PABPC4L: variants seen among roughly 807,000 people sequenced by gnomAD.
The protein encoded by PABPC4L is poly(A) binding protein cytoplasmic 4 like.
For synonymous variants in PABPC4L, 169 were observed against 164.1 expected (o/e 1.03, Z -0.23); for missense variants, 452 against 451.4 (o/e 1.00, Z -0.01).
At chr4:134,062,671 C>T in the PABPC4L span, among the ~76,000 whole-genome samples, 15 of 152,008 alleles carry the variant, frequency 9.9e-5, no homozygotes, top group African/African-American at 3.6e-4. Flanking sequence ...ATGATGAAAT[C>T]AATTTTATGA....
chr4:134,117,829 C>T, the PABPC4L span, among the ~76,000 whole-genome samples: 10 of 151,882 alleles, frequency 6.6e-5, no homozygotes, highest in East Asian at 2.0e-4. Context: ...AGAGGCAATG[C>T]GCCCTGAGGA....
At chr4:134,155,307 T>G in the PABPC4L span, among the ~76,000 whole-genome samples, 1 of 151,918 alleles carries the variant, frequency 6.6e-6, no homozygotes, top group East Asian at 1.9e-4. Context: ...TTATTTTTCT[T>G]ACAAACTCTG....
the PABPC4L span, among the ~76,000 whole-genome samples, chr4:134,060,633 A>G: frequency 2.0e-5 from 3 of 151,848 alleles, no homozygotes; most frequent in Non-Finnish European, 4.4e-5. Flanking sequence ...GGAAGGACTC[A>G]GTCCTGGCAG....
the PABPC4L span, among the ~76,000 whole-genome samples, chr4:134,036,766 G>A: frequency 6.6e-6 from 1 of 151,854 alleles, no homozygotes; most frequent in African/African-American, 2.4e-5. Flanking sequence ...TTTAAAGTTG[G>A]GTAATATAGG....
the PABPC4L span, among the ~76,000 whole-genome samples, chr4:133,960,516 G>A: frequency 7.9e-5 from 12 of 152,184 alleles, no homozygotes; most frequent in Admixed American, 2.0e-4. Flanking sequence ...TAGGAAGAAG[G>A]AAGTCTTCAG....
chr4:134,100,422 C>A, the PABPC4L span, among the ~76,000 whole-genome samples: 1,000 of 151,576 alleles, frequency 6.6e-3, 15 homozygotes, highest in Admixed American at 0.012. Flanking sequence ...AACTAAAACC[C>A]TTGCATTTTC....
chr4:134,108,804 A>G, the PABPC4L span, among the ~76,000 whole-genome samples: 1 of 151,822 alleles, frequency 6.6e-6, no homozygotes, highest in Non-Finnish European at 1.5e-5. Flanking sequence ...ATAAAAACAG[A>G]CCATTTTGAC....
the PABPC4L span, among the ~76,000 whole-genome samples, chr4:134,036,692 G>T: frequency 6.6e-6 from 1 of 151,868 alleles, no homozygotes; most frequent in African/African-American, 2.4e-5. Flanking sequence ...CTGTTACATT[G>T]TTCTATGCAT....
At chr4:134,146,200 T>C in the PABPC4L span, among the ~76,000 whole-genome samples, 1 of 151,990 alleles carries the variant, frequency 6.6e-6, no homozygotes, top group Non-Finnish European at 1.5e-5. Context: ...CATACTAAAT[T>C]TATTAGCAAA....
At chr4:134,018,267 C>A in the PABPC4L span, among the ~76,000 whole-genome samples, 1 of 152,084 alleles carries the variant, frequency 6.6e-6, no homozygotes, top group Non-Finnish European at 1.5e-5. Flanking sequence ...CGGTCCCACC[C>A]CATCTCCCTT....
the PABPC4L span, among the ~76,000 whole-genome samples, chr4:134,112,588 ATCTATC>A: frequency 2.6e-5 from 4 of 151,278 alleles, no homozygotes; most frequent in African/African-American, 9.7e-5. Flanking sequence ...CTATCTATCT[ATCTATC>A]TATCTATCTA....
the PABPC4L span, chr4:133,978,119 A>C: frequency 6.6e-6 from 1 of 152,174 alleles, no homozygotes; most frequent in Non-Finnish European, 1.5e-5. Context: ...TACTCTATGA[A>C]TGACATTATT....
the PABPC4L span, among the ~76,000 whole-genome samples, chr4:133,989,312 C>T: frequency 2.6e-5 from 4 of 152,242 alleles, no homozygotes; most frequent in South Asian, 8.3e-4. Context: ...AGCTTTTATG[C>T]TCTGTTTCAT....
the PABPC4L span, among the ~76,000 whole-genome samples, chr4:134,111,464 G>A: frequency 6.6e-6 from 1 of 151,914 alleles, no homozygotes; most frequent in African/African-American, 2.4e-5. Flanking sequence ...ATGTAACTGT[G>A]ACATATTAAG....
the PABPC4L span, among the ~76,000 whole-genome samples, chr4:134,012,695 T>C: frequency 5.2e-4 from 79 of 152,298 alleles, no homozygotes; most frequent in African/African-American, 1.9e-3. Context: ...CTTTGCTCCA[T>C]GAGAAAGATC....
chr4:134,097,984 G>T, the PABPC4L span, among the ~76,000 whole-genome samples: 1 of 151,846 alleles, frequency 6.6e-6, no homozygotes, highest in Admixed American at 6.6e-5. Context: ...GAAAGGTTCA[G>T]AAATGCATTT....
the PABPC4L span, among the ~76,000 whole-genome samples, chr4:134,136,653 T>C: frequency 6.6e-6 from 1 of 152,258 alleles, no homozygotes; most frequent in South Asian, 2.1e-4. Context: ...TTTGGACATC[T>C]GCATTCTAGA....
chr4:133,976,265 G>A, the PABPC4L span, among the ~76,000 whole-genome samples: 4,761 of 152,144 alleles, frequency 0.031, 265 homozygotes, highest in African/African-American at 0.11. Flanking sequence ...CTCCATTCAC[G>A]TCCCTGGAAA....
the PABPC4L span, among the ~76,000 whole-genome samples, chr4:134,172,530 A>G: frequency 6.6e-6 from 1 of 152,138 alleles, no homozygotes; most frequent in Admixed American, 6.6e-5. Flanking sequence ...TAAAAGGCTT[A>G]AATGTAAAAC....
Sources: gnomAD v4.1 joint callset for allele counts (sites outside exome capture counted in the v4.1 genomes callset) on GRCh38, gnomAD v4.1.1 for gene constraint, MANE v1.5 for transcripts, NCBI Gene and HGNC (gene_info 2026-07-23, HGNC 2026-07-21) for gene names.